Variants in KIF13A observed in about 807,000 individuals in gnomAD.
The protein encoded by KIF13A is kinesin-like protein KIF13A.
A neutral mutation model predicts 212.2 loss-of-function variants in KIF13A; 79 were observed. That is an observed-to-expected ratio of 0.37 (90% CI 0.31 to 0.45). KIF13A has a LOEUF of 0.45. KIF13A is among the 20% of genes least tolerant of loss of function. KIF13A has a pLI of 1.00. For synonymous variants in KIF13A, 789 were observed against 808.6 expected (o/e 0.98, Z 0.41); for missense variants, 1,901 against 2,209.0 (o/e 0.86, Z 2.79).
rs1781625875 is a variant in KIF13A at position 17,987,040 on chromosome 6, G to C, written c.146+14C>G. 3 of 1,608,196 alleles carry C rather than the reference G, an allele frequency of 1.9e-6. No individual in the cohort carries two copies. Among genetic ancestry groups the C allele is most frequent in the Non-Finnish European group, 1.7e-6 (2 of 1,174,852 alleles). On this transcript the variant is annotated intron_variant, in intron 2 of 38. Transcript: ENST00000259711. The surrounding 1 kb of genome is among the most constrained non-coding windows in gnomAD (Gnocchi z 7.7). ...GCTGGATCCTCCCAGCCGCCCTCTC[G>C]GAACCCGCTTTACCTTTCTCCCTGT...
intron 2 of KIF13A, among the ~76,000 whole-genome samples, chr6:17,983,456 A>G (rs1302803712): frequency 7.4e-6 from 1 of 135,152 alleles, no homozygotes; most frequent in African/African-American, 2.8e-5. Context: ...CCCTTCACCC[A>G]CACCCACCCC....
At chr6:17,921,308 C>T (rs769327029) in intron 2 of KIF13A, among the ~76,000 whole-genome samples, 2 of 152,208 alleles carry the variant, frequency 1.3e-5, no homozygotes, top group African/African-American at 4.8e-5. Flanking sequence ...GCATGGCAAA[C>T]ATTAGCATCC....
intron 38 of KIF13A, among the ~76,000 whole-genome samples, chr6:17,767,348 G>A (rs1759094053): frequency 6.6e-6 from 1 of 151,100 alleles, no homozygotes; most frequent in African/African-American, 2.4e-5. Context: ...TCTGCCTCCC[G>A]AGTTCAAGTG....
rs1162976368 is a variant in KIF13A, at chr6:17,898,114, T to C, written c.159+54A>G. 1.3e-6 allele frequency: 2 copies of C among 1,567,834 alleles called. No homozygotes were observed. Among genetic ancestry groups the C allele is most frequent in the Non-Finnish European group, 1.8e-6 (2 of 1,141,268 alleles). On this transcript the variant is annotated intron_variant, in intron 3 of 38. Transcript: ENST00000259711. The surrounding 1 kb of genome is among the most constrained non-coding windows in gnomAD (Gnocchi z 5.2). The stretch of plus-strand genomic sequence containing the variant: ...CTACATGGGTTACAGTGATAAATCC[T>C]GGATTTTTGCACACTAAGCCAGTAT...
Position 17,898,172 on chromosome 6 carries a change from G to A in KIF13A, c.155C>T (p.Pro52Leu), listed in dbSNP as rs748079081. The change falls in exon 3 of 39, where the codon CCC (proline) becomes CTC (leucine). Residue 52 changes from proline to leucine, a missense_variant. Physicochemically the swap from Pro to Leu is moderately conservative, Grantham distance 98. Transcript: ENST00000259711. This position sits in a 1 kb window ranked among gnomAD's most constrained non-coding sequence, Gnocchi z 5.2. ...AAATTTCATATTAGTGCTTACCTTG[G>A]GAGGTTTCCTTAATGATGGGAAAAA... ...SNTKQGERKPPKVFAFDYCFW... is the reference protein window; with the variant it reads ...SNTKQGERKPLKVFAFDYCFW... 1.4e-5 allele frequency: 22 copies of A among 1,612,842 alleles called. No individual in the cohort carries two copies. The African/African-American group carries it at 2.3e-4, about 17-fold the overall frequency.
Position 17,899,775 on chromosome 6 carries a change from T to C in KIF13A, c.147-1595A>G, listed in dbSNP as rs977595859. Among the ~76,000 whole-genome samples the C allele has an allele frequency of 1.3e-5, 2 of 152,194 alleles. No individual in the cohort carries two copies. The highest frequency in any genetic ancestry group is 4.8e-5 in the African/African-American group (2 of 41,450). Reference sequence around the variant, plus strand: ...GGCTGCCATCAAGCAAGTCTCAACATATTTGTATGTCTACCCTTTAAAACA... The same window carrying C: ...GGCTGCCATCAAGCAAGTCTCAACACATTTGTATGTCTACCCTTTAAAACA... On this transcript the variant is annotated intron_variant, in intron 2 of 38. Coordinates refer to ENST00000259711, the MANE Select transcript of KIF13A (RefSeq NM_022113.6). The surrounding 1 kb of genome is among the most constrained non-coding windows in gnomAD (Gnocchi z 5.2).
chr6:17,902,174 C>T (rs1773107206), intron 2 of KIF13A, among the ~76,000 whole-genome samples: 1 of 152,066 alleles, frequency 6.6e-6, no homozygotes, highest in Non-Finnish European at 1.5e-5. Flanking sequence ...TAAGTGACCC[C>T]GACACATAGG....
intron 3 of KIF13A, chr6:17,881,721 G>A (rs1581624433): frequency 6.0e-6 from 2 of 331,624 alleles, no homozygotes; most frequent in East Asian, 1.6e-4. Context: ...CAATGGCCAG[G>A]CACAGGGCTC....
Position 17,873,405 on chromosome 6 carries a change from C to A in KIF13A, c.192G>T (p.Met64Ile). The change falls in exon 4 of 39, where the codon ATG becomes ATT. Residue 64 changes from methionine (M) to isoleucine (I), a missense_variant. This residue lies in a region of KIF13A where 506 missense variants were observed against 637.4 expected (regional missense o/e 0.79). Transcript: ENST00000259711. The part of the protein sequence containing the change: ...VFAFDYCFWS[M>I]DESNTTKYAG... ...CGTATTTTGTAGTGTTAGATTCATC[C>A]ATGGACCAAAAGCAATAATCAAAGG... 1 of 1,595,112 alleles carries A rather than the reference C, an allele frequency of 6.3e-7. No individual in the cohort carries two copies. The highest frequency in any genetic ancestry group is 8.5e-7 in the Non-Finnish European group (1 of 1,170,040).
Position 17,898,922 on chromosome 6 carries a change from A to T in KIF13A, c.147-742T>A, listed in dbSNP as rs1002530651. ...GTGATCATGGCTCAGTGCAACCTTG[A>T]ACTCCTGGGCTCAACTGATCCTCCT... On this transcript the variant is annotated intron_variant, in intron 2 of 38. Coordinates refer to ENST00000259711, the MANE Select transcript of KIF13A (RefSeq NM_022113.6). The surrounding 1 kb of genome is among the most constrained non-coding windows in gnomAD (Gnocchi z 5.2). Among the ~76,000 whole-genome samples, 7 of 152,074 alleles carry T rather than the reference A, an allele frequency of 4.6e-5. No individual in the cohort carries two copies. Among genetic ancestry groups the T allele is most frequent in the Non-Finnish European group, 1.0e-4 (7 of 68,000 alleles).
rs1248237106 is a variant in KIF13A at position 17,839,927 on chromosome 6, T to C, written c.831-2344A>G. Among the ~76,000 whole-genome samples, 1 of 152,210 alleles carries C rather than the reference T, an allele frequency of 6.6e-6. No homozygotes were observed. Among genetic ancestry groups the C allele is most frequent in the Non-Finnish European group, 1.5e-5 (1 of 68,034 alleles). ...CGCCTGCAGAATTGTGAGAAATAAA[T>C]TTCTGTTGTTTTAAGCTACTCAGTT... On this transcript the variant is annotated intron_variant, in intron 9 of 38. Coordinates refer to ENST00000259711, the MANE Select transcript of KIF13A (RefSeq NM_022113.6). This position sits in a 1 kb window ranked among gnomAD's most constrained non-coding sequence, Gnocchi z 4.3.
intron 31 of KIF13A, 56 bp from the exon 32 acceptor site, chr6:17,779,740 G>GTTTTTTTTT (rs201272106): frequency 1.3e-5 from 6 of 478,972 alleles, no homozygotes; most frequent in South Asian, 4.2e-5. Context: ...AAGTTATTTT[G>GTTTTTTTTT]TATTTTTTTT....
chr6:17,821,921 A>G, intron 16 of KIF13A: 1 of 1,535,306 alleles, frequency 6.5e-7, no homozygotes, highest in East Asian at 2.4e-5. Flanking sequence ...AGTAGAGGGG[A>G]ATCACAGTGA....
chr6:17,972,624 G>A (rs1011026939), intron 2 of KIF13A, among the ~76,000 whole-genome samples: 7 of 152,052 alleles, frequency 4.6e-5, no homozygotes, highest in African/African-American at 1.4e-4. Flanking sequence ...TTCAACACTC[G>A]CAACAGATGC....
chr6:17,868,989 C>CAAAAAAA lies in KIF13A; in HGVS notation c.220+4381_220+4387dup, dbSNP rs71002278. 1.7e-3 allele frequency among the ~76,000 whole-genome samples: 36 copies of CAAAAAAA among 20,918 alleles called. 7 individuals are homozygous for CAAAAAAA. The highest frequency in any genetic ancestry group is 4.7e-3 in the African/African-American group (33 of 7,078). 13.7% of individuals were successfully genotyped at this position (20,918 alleles called of 152,430 possible). Reference sequence around the variant, plus strand: ...TGGGCGACAGAGGGAGACTCCCTCTCAAAAAAAAAAAAAAAAAAAAAAAAA... The same window carrying CAAAAAAA: ...TGGGCGACAGAGGGAGACTCCCTCTCAAAAAAAAAAAAAAAAAAAAAAAAAAAAAAAA... On this transcript the variant is annotated intron_variant, in intron 4 of 38. Transcript: ENST00000259711.
chr6:17,826,025 A>C lies in KIF13A; in HGVS notation c.1619+13T>G. On this transcript the variant is annotated intron_variant, in intron 15 of 38. Coordinates refer to ENST00000259711, the MANE Select transcript of KIF13A (RefSeq NM_022113.6). This position sits in a 1 kb window ranked among gnomAD's most constrained non-coding sequence, Gnocchi z 4.7. Reference sequence around the variant, plus strand: ...TGTATACGAAAATATATTACAGAACACAAAGATGTTACCTAAAAAAGTGAT... The same window carrying C: ...TGTATACGAAAATATATTACAGAACCCAAAGATGTTACCTAAAAAAGTGAT... The C allele has an allele frequency of 6.2e-7, 1 of 1,612,874 alleles. No homozygotes were observed. The highest frequency in any genetic ancestry group is 8.5e-7 in the Non-Finnish European group (1 of 1,178,862).
intron 2 of KIF13A, among the ~76,000 whole-genome samples, chr6:17,905,542 A>T (rs750391147): frequency 6.6e-6 from 1 of 152,254 alleles, no homozygotes; most frequent in Non-Finnish European, 1.5e-5. Context: ...TTGTCTTTCA[A>T]ACAAGAAACT....
intron 29 of KIF13A, 76 bp from the exon 30 acceptor site, chr6:17,781,377 T>C (rs1028865097): frequency 2.8e-6 from 4 of 1,419,990 alleles, no homozygotes; most frequent in African/African-American, 2.9e-5. Context: ...TTTAAATATA[T>C]GCTTTTTACA....
At chr6:17,779,249 ATATATATATTTTT>A in intron 32 of KIF13A, 150 bp from the exon 33 acceptor site, 1 of 22,422 alleles carries the variant, frequency 4.5e-5, no homozygotes, top group Non-Finnish European at 1.4e-4. Flanking sequence ...ATATATATAT[ATATATATATTTTT>A]TTTTTTTTTT....
Sources: allele counts gnomAD v4.1 joint callset (sites outside exome capture counted in the v4.1 genomes callset), GRCh38; gene constraint gnomAD v4.1.1; regional missense constraint gnomAD v4.1.1; non-coding constraint Gnocchi (gnomAD v3.1); transcripts MANE v1.5; gene names NCBI Gene and HGNC (gene_info 2026-07-23, HGNC 2026-07-21).